ITGA1: variants seen among roughly 807,000 people sequenced by gnomAD.
ITGA1 encodes integrin subunit alpha 1, also known as integrin alpha-1.
A neutral mutation model predicts 145.9 loss-of-function variants in ITGA1; 85 were observed. That is an observed-to-expected ratio of 0.58 (90% CI 0.49 to 0.70). The LOEUF (loss-of-function observed/expected upper bound fraction) is 0.70. Among genes scored for constraint, ITGA1 ranks in the 30% least tolerant of loss-of-function variants. The pLI is 0.00. For missense variants in ITGA1, 1,351 were observed against 1,418.7 expected (o/e 0.95, Z 0.77); for synonymous variants, 520 against 495.3 (o/e 1.05, Z -0.66).
intron 14 of ITGA1, among the ~76,000 whole-genome samples, chr5:52,912,300 A>G (rs1750569619): frequency 1.4e-5 from 2 of 145,136 alleles, no homozygotes; most frequent in South Asian, 4.4e-4. Flanking sequence ...TCTATATACT[A>G]TATATCTACT....
chr5:52,915,501 T>A lies in ITGA1; in HGVS notation c.1895T>A (p.Phe632Tyr). 6.2e-7 allele frequency: 1 copy of A among 1,614,106 alleles called. No individual in the cohort carries two copies. Among genetic ancestry groups the A allele is most frequent in the Non-Finnish European group, 8.5e-7 (1 of 1,179,980 alleles). The change falls in exon 15 of 29, where the codon TTT becomes TAT. Residue 632 changes from phenylalanine (F) to tyrosine (Y), a missense_variant. Phe to Tyr is a conservative substitution (Grantham distance 22). Coordinates refer to ENST00000282588, the MANE Select transcript of ITGA1 (RefSeq NM_181501.2). ...GGTGGGGATGGTAAGACACTGAAAT[T>A]TTTTGGCCAGTCTATCCACGGAGAA... The part of the protein sequence containing the change: ...PSGGDGKTLK[F>Y]FGQSIHGEMD...
At chr5:52,878,881 A>AG (rs970278260) in intron 6 of ITGA1, among the ~76,000 whole-genome samples, 2 of 151,562 alleles carry the variant, frequency 1.3e-5, no homozygotes, top group African/African-American at 2.4e-5. Flanking sequence ...GAGTCATTGG[A>AG]GGGAAAAAAA....
At chr5:52,850,133 CTGGGATTACAGGCG>C (rs1185856701) in intron 2 of ITGA1, among the ~76,000 whole-genome samples, 1 of 151,744 alleles carries the variant, frequency 6.6e-6, no homozygotes, top group Non-Finnish European at 1.5e-5. Flanking sequence ...CTCCTAGTAG[CTGGGATTACAGGCG>C]TGTACCACCA....
chr5:52,923,380 G>A (rs138303517), intron 18 of ITGA1, among the ~76,000 whole-genome samples: 153 of 151,926 alleles, frequency 1.0e-3, no homozygotes, highest in African/African-American at 3.5e-3. Flanking sequence ...CTCCCAGGCC[G>A]TCTATAGTTG....
At chr5:52,942,624 G>A (rs547914111) in intron 26 of ITGA1, among the ~76,000 whole-genome samples, 89 of 149,910 alleles carry the variant, frequency 5.9e-4, no homozygotes, top group Admixed American at 1.2e-3. Context: ...TCCGCCTCCC[G>A]GGTTCACGCC....
chr5:52,795,134 G>T (rs1241629423), intron 1 of ITGA1, among the ~76,000 whole-genome samples: 3 of 151,786 alleles, frequency 2.0e-5, no homozygotes, highest in African/African-American at 7.2e-5. Context: ...CTGAATTAAA[G>T]AAAAATTAAT....
chr5:52,829,295 G>T (rs750947454), intron 1 of ITGA1, among the ~76,000 whole-genome samples: 15 of 152,156 alleles, frequency 9.9e-5, no homozygotes, highest in Non-Finnish European at 2.1e-4. Context: ...GGAGGCCGAG[G>T]TGGGTAGATC....
At chr5:52,800,452 C>T (rs1455899181) in intron 1 of ITGA1, 1 of 1,614,008 alleles carries the variant, frequency 6.2e-7, no homozygotes, top group East Asian at 2.2e-5. Flanking sequence ...GACCCTGGTC[C>T]CCGAGGAGCC....
At chr5:52,842,217 G>T (rs1377549834) in intron 1 of ITGA1, among the ~76,000 whole-genome samples, 2 of 152,120 alleles carry the variant, frequency 1.3e-5, no homozygotes, top group Non-Finnish European at 2.9e-5. Flanking sequence ...GAGCAACTGA[G>T]ATGAGAATCC....
At chr5:52,835,667 T>C (rs1483238163) in intron 1 of ITGA1, among the ~76,000 whole-genome samples, 2 of 152,190 alleles carry the variant, frequency 1.3e-5, no homozygotes, top group Non-Finnish European at 2.9e-5. Context: ...TGTGTGTATA[T>C]ATTTTGATAC....
rs1443247480 is a variant in ITGA1 at position 52,832,787 on chromosome 5, G to GTC, written c.62-16577_62-16576insCT. ...AATCTGTGTGTGTGTGTGTGTGTGT[G>GTC]TGTGTGTGTGTGTGTGTGTGTGTGT... On this transcript the variant is annotated intron_variant, in intron 1 of 28. Transcript: ENST00000282588. 5.6e-3 allele frequency among the ~76,000 whole-genome samples: 376 copies of GTC among 66,586 alleles called. 5 individuals carry two copies. Among genetic ancestry groups the GTC allele is most frequent in the African/African-American group, 0.016 (364 of 23,378 alleles). The allele number at this position is 66,586 out of a possible 152,430, so 43.7% of individuals were successfully genotyped here.
intron 1 of ITGA1, among the ~76,000 whole-genome samples, chr5:52,827,230 G>A (rs371991750): frequency 1.3e-5 from 2 of 151,870 alleles, no homozygotes; most frequent in African/African-American, 4.8e-5. Flanking sequence ...CTGCAGATAC[G>A]GTGGGAATAG....
chr5:52,932,275 C>G (rs1341900012), intron 22 of ITGA1, 139 bp downstream of exon 22: 1 of 588,858 alleles, frequency 1.7e-6, no homozygotes, highest in East Asian at 2.8e-5. Context: ...CAGAAACCTA[C>G]CAAATCAGAA....
intron 6 of ITGA1, among the ~76,000 whole-genome samples, chr5:52,880,184 A>G (rs1023930238): frequency 5.9e-5 from 9 of 152,264 alleles, no homozygotes; most frequent in Non-Finnish European, 1.0e-4. Flanking sequence ...TGGATAAGGG[A>G]TACACATCTT....
intron 26 of ITGA1, among the ~76,000 whole-genome samples, chr5:52,940,569 C>T (rs949179097): frequency 2.0e-5 from 3 of 151,782 alleles, no homozygotes; most frequent in African/African-American, 4.8e-5. Flanking sequence ...CCACCACGCC[C>T]GGCTAATTTT....
chr5:52,918,720 TTTTG>T lies in ITGA1; in HGVS notation c.1989-6_1989-3del. On this transcript the variant is annotated splice_polypyrimidine_tract_variant and splice_region_variant and intron_variant, in intron 15 of 28. Coordinates refer to ENST00000282588, the MANE Select transcript of ITGA1 (RefSeq NM_181501.2). ...AAAAATGTGTGAGTAATCCCATTGT[TTTTG>T]TTTGTAGGTCCCGAGATGTGGCCGT... is the stretch of plus-strand genomic sequence containing the variant. 6.3e-7 allele frequency: 1 copy of T among 1,597,954 alleles called. No homozygotes were observed. The highest frequency in any genetic ancestry group is 8.5e-7 in the Non-Finnish European group (1 of 1,174,828).
At position 52,939,623 on chromosome 5, in the gene ITGA1, C is replaced by G; in HGVS notation, c.3112C>G (p.Pro1038Ala). 1 of 1,612,924 alleles carries G rather than the reference C, an allele frequency of 6.2e-7. No individual in the cohort carries two copies. The highest frequency in any genetic ancestry group is 1.7e-5 in the Admixed American group (1 of 59,990). Residue 1038 changes from proline (P) to alanine (A), a missense_variant, in exon 25 of 29, where the codon CCT becomes GCT. Physicochemically the swap from Pro to Ala is conservative, Grantham distance 27. Transcript: ENST00000282588. Reference sequence around the variant, plus strand: ...CTGCAGACCCCATATCTTTGAGGATCCTTTCAGTATCAACTCTGGAAAGAA... The same window carrying G: ...CTGCAGACCCCATATCTTTGAGGATGCTTTCAGTATCAACTCTGGAAAGAA... ...ANCRPHIFED[P>A]FSINSGKKMT...
intron 9 of ITGA1, among the ~76,000 whole-genome samples, chr5:52,894,913 A>C (rs1051440257): frequency 6.6e-6 from 1 of 152,162 alleles, no homozygotes; most frequent in African/African-American, 2.4e-5. Context: ...AGGAAAGATA[A>C]TTATTTAGAG....
chr5:52,802,854 C>G (rs961795892), intron 1 of ITGA1: 1 of 152,164 alleles, frequency 6.6e-6, no homozygotes, highest in African/African-American at 2.4e-5. Flanking sequence ...AACTCCAATA[C>G]TCTTTACTAT....
Sources: gnomAD v4.1 joint callset for allele counts (sites outside exome capture counted in the v4.1 genomes callset) on GRCh38, gnomAD v4.1.1 for gene constraint, MANE v1.5 for transcripts, NCBI Gene and HGNC (gene_info 2026-07-23, HGNC 2026-07-21) for gene names.